The following OSBPL10 variants were observed in gnomAD, a reference collection of about 807,000 sequenced individuals.
OSBPL10 encodes the protein oxysterol binding protein like 10.
In OSBPL10, 49 loss-of-function variants were observed where a neutral mutation model predicts 81.7. The ratio of observed to expected loss-of-function variants is 0.60; its 90% confidence interval spans 0.48 to 0.76. The LOEUF is 0.76. Ranked by LOEUF, OSBPL10 falls within the 30% of genes least tolerant of loss-of-function variation. The pLI, the probability that OSBPL10 is intolerant of heterozygous loss-of-function variation, is 0.00. For missense variants in OSBPL10, 923 were observed against 987.8 expected (o/e 0.93, Z 0.88); for synonymous variants, 419 against 383.6 (o/e 1.09, Z -1.08).
intron 8 of OSBPL10, among the ~76,000 whole-genome samples, chr3:31,682,137 C>T (rs1240580995): frequency 6.6e-6 from 1 of 152,204 alleles, no homozygotes; most frequent in Non-Finnish European, 1.5e-5. Flanking sequence ...CACTATTTTC[C>T]ACCTGGTCCA....
At chr3:31,945,000 A>C (rs573818716) in intron 1 of OSBPL10, among the ~76,000 whole-genome samples, 106 of 151,626 alleles carry the variant, frequency 7.0e-4, no homozygotes, top group African/African-American at 2.5e-3. Flanking sequence ...AAAATACAAA[A>C]ATTAGCTGGG....
At chr3:31,931,171 G>A (rs573381576) in intron 1 of OSBPL10, among the ~76,000 whole-genome samples, 67 of 151,964 alleles carry the variant, frequency 4.4e-4, no homozygotes, top group South Asian at 1.0e-3. Flanking sequence ...AAGGAAGGGG[G>A]AAACAATTCA....
chr3:31,843,376 C>T (rs1700548246), intron 3 of OSBPL10, among the ~76,000 whole-genome samples: 2 of 152,180 alleles, frequency 1.3e-5, no homozygotes, highest in East Asian at 3.9e-4. Context: ...TGGGATTTGG[C>T]TTAAATTGCC....
At chr3:32,024,012 G>A (rs1360705719) in intron 2 of OSBPL10, among the ~76,000 whole-genome samples, 2 of 152,132 alleles carry the variant, frequency 1.3e-5, no homozygotes, top group Non-Finnish European at 2.9e-5. Context: ...TAGACCATGG[G>A]TAACTGCAGA....
chr3:31,960,346 G>A (rs916210791), intron 1 of OSBPL10: 1 of 152,100 alleles, frequency 6.6e-6, no homozygotes, highest in Non-Finnish European at 1.5e-5. Flanking sequence ...CCCTCACCAC[G>A]TTCAGTAATA....
At chr3:31,706,216 GAC>G (rs1474119375) in intron 6 of OSBPL10, among the ~76,000 whole-genome samples, 2 of 152,158 alleles carry the variant, frequency 1.3e-5, no homozygotes, top group Non-Finnish European at 2.9e-5. Context: ...GGGGTTTAGG[GAC>G]ATTCCCTGGT....
At chr3:31,957,270 CCA>C (rs1698035440) in intron 1 of OSBPL10, among the ~76,000 whole-genome samples, 1 of 152,130 alleles carries the variant, frequency 6.6e-6, no homozygotes, top group Non-Finnish European at 1.5e-5. Flanking sequence ...AAAGAAATAA[CCA>C]CAGAGACTCC....
intron 5 of OSBPL10, among the ~76,000 whole-genome samples, chr3:31,745,981 C>T (rs1293611306): frequency 6.6e-6 from 1 of 152,180 alleles, no homozygotes; most frequent in Non-Finnish European, 1.5e-5. Flanking sequence ...CTCATTCCTT[C>T]ATTAATTAAG....
At chr3:31,822,944 AAAATAC>A (rs1700016493) in intron 4 of OSBPL10, among the ~76,000 whole-genome samples, 1 of 134,004 alleles carries the variant, frequency 7.5e-6, no homozygotes, top group African/African-American at 2.6e-5. Flanking sequence ...AATAGAAAAA[AAAATAC>A]AATACAATAA....
At chr3:32,037,849 C>T (rs949270631) in intron 2 of OSBPL10, among the ~76,000 whole-genome samples, 1 of 152,130 alleles carries the variant, frequency 6.6e-6, no homozygotes, top group Non-Finnish European at 1.5e-5. Flanking sequence ...AAAGAGCTCA[C>T]TGCTTCATGG....
intron 1 of OSBPL10, among the ~76,000 whole-genome samples, chr3:31,953,765 CA>C (rs1446856171): frequency 6.6e-6 from 1 of 152,134 alleles, no homozygotes; most frequent in Non-Finnish European, 1.5e-5. Flanking sequence ...CAATTTTCTT[CA>C]AAAAAGAGAC....
upstream of OSBPL10, among the ~76,000 whole-genome samples, chr3:31,985,249 T>G (rs1406090663): frequency 6.6e-6 from 1 of 152,100 alleles, no homozygotes; most frequent in African/African-American, 2.4e-5. Context: ...AAAAAATGTT[T>G]TAAAAATACA....
At chr3:31,776,613 C>T (rs990757211) in intron 4 of OSBPL10, among the ~76,000 whole-genome samples, 1 of 152,126 alleles carries the variant, frequency 6.6e-6, no homozygotes, top group African/African-American at 2.4e-5. Context: ...ATCTTATCCA[C>T]ATACAAAAAG....
intron 4 of OSBPL10, among the ~76,000 whole-genome samples, chr3:31,762,853 G>A (rs72859664): frequency 0.033 from 5,088 of 151,946 alleles, 287 homozygotes; most frequent in African/African-American, 0.12. Flanking sequence ...CGGATGCGAG[G>A]TGTCAGGACT....
In OSBPL10 at chr3:31,754,964, T is replaced by A. The variant is rs76158866; in HGVS notation, c.730-6844A>T. Among the ~76,000 whole-genome samples, 7 of 152,176 alleles carry A rather than the reference T, an allele frequency of 4.6e-5. No homozygotes were observed. The East Asian group carries it at 1.3e-3, about 29-fold the overall frequency. On this transcript the variant is annotated intron_variant, in intron 4 of 11. Coordinates refer to ENST00000396556, the MANE Select transcript of OSBPL10 (RefSeq NM_017784.5). ...TTTCTTTTTTAGGCTGGAAGTCTCA[T>A]GTTTAAGTTTAGAACATAGGTCCTG...
intron 8 of OSBPL10, among the ~76,000 whole-genome samples, chr3:31,675,527 A>G (rs1107643): frequency 0.52 from 79,003 of 151,990 alleles, 22,516 homozygotes; most frequent in African/African-American, 0.76. Flanking sequence ...GGAGAAGGCG[A>G]TTCTAAACTC....
At chr3:31,749,327 A>T (rs1317765173) in intron 4 of OSBPL10, among the ~76,000 whole-genome samples, 1 of 152,238 alleles carries the variant, frequency 6.6e-6, no homozygotes, top group Non-Finnish European at 1.5e-5. Flanking sequence ...ATGTTTTTAA[A>T]AAGATTATTG....
intron 2 of OSBPL10, among the ~76,000 whole-genome samples, chr3:32,043,389 C>T (rs528159227): frequency 3.4e-4 from 52 of 152,218 alleles, no homozygotes; most frequent in African/African-American, 1.2e-3. Context: ...GCACTGATTT[C>T]GTATTGTTCA....
At chr3:31,704,132 GGCCACCGCT>G (rs1236079299) in intron 6 of OSBPL10, 1 of 152,408 alleles carries the variant, frequency 6.6e-6, no homozygotes. Context: ...CTGGTGCCAA[GGCCACCGCT>G]GCCATGAGTC....
Sources: gnomAD v4.1 joint callset for allele counts (sites outside exome capture counted in the v4.1 genomes callset) on GRCh38, gnomAD v4.1.1 for gene constraint, MANE v1.5 for transcripts, NCBI Gene and HGNC (gene_info 2026-07-23, HGNC 2026-07-21) for gene names.